Variants in FNBP1 observed in about 807,000 individuals in gnomAD.
The protein encoded by FNBP1 is formin binding protein 1, also known as formin-binding protein 1.
FNBP1 carries 26 observed loss-of-function variants against 90.6 expected under a neutral mutation model. That is an observed-to-expected ratio of 0.29 (90% CI 0.21 to 0.40). The LOEUF (loss-of-function observed/expected upper bound fraction) is 0.40. Ranked by LOEUF, FNBP1 falls within the 10% of genes least tolerant of loss-of-function variation. The pLI, the probability that FNBP1 is intolerant of heterozygous loss-of-function variation, is 1.00. For missense variants in FNBP1, 635 were observed against 768.0 expected, an observed-to-expected ratio of 0.83 and a Z score of 2.05; for synonymous variants, 260 against 265.2, an observed-to-expected ratio of 0.98 and a Z score of 0.19.
intron 11 of FNBP1, among the ~76,000 whole-genome samples, chr9:129,911,384 G>T (rs200010822): frequency 6.6e-6 from 1 of 152,176 alleles, no homozygotes; most frequent in Non-Finnish European, 1.5e-5. Context: ...GACAGGCCCT[G>T]CTGGGTGTCA....
intron 6 of FNBP1, chr9:129,936,659 C>T (rs2132217997): frequency 6.6e-6 from 1 of 152,144 alleles, no homozygotes; most frequent in East Asian, 1.9e-4. Context: ...AGTTTCTGCA[C>T]ATTCCAGCTC....
At chr9:129,898,576 C>T (rs1250442358) in intron 15 of FNBP1, among the ~76,000 whole-genome samples, 4 of 152,032 alleles carry the variant, frequency 2.6e-5, no homozygotes, top group Non-Finnish European at 4.4e-5. Context: ...CTGCCACCTC[C>T]GACTCCTGGT....
In FNBP1 at chr9:129,900,137, G is replaced by A. The variant is rs756257072; in HGVS notation, c.1551-36C>T. The A allele has an allele frequency of 5.8e-6, 9 of 1,561,854 alleles. No homozygotes were observed. Among genetic ancestry groups the A allele is most frequent in the African/African-American group, 5.5e-5 (4 of 72,984 alleles). On this transcript the variant is annotated intron_variant, in intron 14 of 16. Coordinates refer to ENST00000446176, the MANE Select transcript of FNBP1 (RefSeq NM_015033.3). The surrounding 1 kb of genome is among the most constrained non-coding windows in gnomAD (Gnocchi z 4.1). ...AAGGAAAACACAAAGCAACTAAAGCGACTGACCCCAGGGAGGACTCAGATT... is the reference window on the plus strand; with the variant it reads ...AAGGAAAACACAAAGCAACTAAAGCAACTGACCCCAGGGAGGACTCAGATT...
At chr9:130,010,231 C>T (rs1307587675) in intron 1 of FNBP1, among the ~76,000 whole-genome samples, 1 of 152,154 alleles carries the variant, frequency 6.6e-6, no homozygotes, top group African/African-American at 2.4e-5. Context: ...AGCATCTTGG[C>T]TGACAATCTA....
chr9:129,923,948 C>G lies in FNBP1; in HGVS notation c.1066G>C (p.Gly356Arg). ...ASASPSAVPN[G>R]PQSPKQQKEP... Reference sequence around the variant, plus strand: ...TTTTGCTGCTTGGGAGACTGGGGGCCGTTGGGAACAGCAGAGGGTGAGGCA... The same window carrying G: ...TTTTGCTGCTTGGGAGACTGGGGGCGGTTGGGAACAGCAGAGGGTGAGGCA... The change falls in exon 10 of 17, where the codon GGC becomes CGC. Residue 356 changes from glycine to arginine, a missense_variant. Coordinates refer to ENST00000446176, the MANE Select transcript of FNBP1 (RefSeq NM_015033.3). 1.3e-6 allele frequency: 2 copies of G among 1,502,754 alleles called. No individual in the cohort carries two copies. Among genetic ancestry groups the G allele is most frequent in the Non-Finnish European group, 8.8e-7 (1 of 1,132,830 alleles). 93.1% of individuals were successfully genotyped at this position (1,502,754 alleles called of 1,614,324 possible).
chr9:129,900,437 C>T lies in FNBP1; in HGVS notation c.1539G>A (p.Gln513=). Residue 513 remains glutamine, a synonymous_variant, in exon 14 of 17, where the codon CAG becomes CAA. Transcript: ENST00000446176. The surrounding 1 kb of genome is among the most constrained non-coding windows in gnomAD (Gnocchi z 4.1). ...TGCAGATACTGTACCTCTCACGGTC[C>T]TGGGCGCAGTTGTTGACTGTGGGTG... is the stretch of plus-strand genomic sequence containing the variant. The part of the protein sequence containing the change: ...QNPPTVNNCA[Q]DRESPDGSYT... 2 of 1,597,186 alleles carry T rather than the reference C, an allele frequency of 1.3e-6. No individual in the cohort carries two copies. Among genetic ancestry groups the T allele is most frequent in the Non-Finnish European group, 1.7e-6 (2 of 1,172,790 alleles).
intron 12 of FNBP1, among the ~76,000 whole-genome samples, chr9:129,906,579 C>T (rs913678960): frequency 3.9e-5 from 6 of 152,174 alleles, no homozygotes; most frequent in Admixed American, 2.0e-4. Flanking sequence ...CTTTGCCTTC[C>T]GCCATGATTG....
At position 130,011,961 on chromosome 9, in the gene FNBP1, GAAC is replaced by G. The variant is rs140925973; in HGVS notation, c.25-17006_25-17004del. 9.7e-3 allele frequency among the ~76,000 whole-genome samples: 1,482 copies of G among 152,188 alleles called. 35 individuals are homozygous for G. The highest frequency in any genetic ancestry group is 0.034 in the African/African-American group (1,413 of 41,508). On this transcript the variant is annotated intron_variant, in intron 1 of 16. Coordinates refer to ENST00000446176, the MANE Select transcript of FNBP1 (RefSeq NM_015033.3). ...AATTAATAGCCAAAACACTCTTGAAGAACAACAAGGTAGGAATAGTAGCCACAC... is the reference window on the plus strand; with the variant it reads ...AATTAATAGCCAAAACACTCTTGAAGAACAAGGTAGGAATAGTAGCCACAC...
chr9:129,986,475 T>G (rs373342863), intron 2 of FNBP1, among the ~76,000 whole-genome samples: 2 of 151,904 alleles, frequency 1.3e-5, no homozygotes, highest in Admixed American at 6.6e-5. Context: ...AACCATAATG[T>G]GAAAACAATC....
chr9:129,952,179 G>A (rs1411760083), intron 6 of FNBP1, among the ~76,000 whole-genome samples: 1 of 151,742 alleles, frequency 6.6e-6, no homozygotes, highest in African/African-American at 2.4e-5. Context: ...GCAACAGAGC[G>A]AGACTCTATT....
Position 129,890,661 on chromosome 9 carries a change from G to A in FNBP1, c.1847-115C>T, listed in dbSNP as rs1396035131. On this transcript the variant is annotated intron_variant, in intron 16 of 16. Transcript: ENST00000446176. This position sits in a 1 kb window ranked among gnomAD's most constrained non-coding sequence, Gnocchi z 5.8. Reference sequence around the variant, plus strand: ...TGCACCGCCCTGGGAGGGGAGGGTAGTGGGAGGGGAGGGATGGGAGGGGGC... The same window carrying A: ...TGCACCGCCCTGGGAGGGGAGGGTAATGGGAGGGGAGGGATGGGAGGGGGC... The A allele has an allele frequency of 2.9e-5, 21 of 712,818 alleles. No individual in the cohort carries two copies. The East Asian group carries it at 5.6e-4, about 19-fold the overall frequency. 44.2% of individuals were successfully genotyped at this position (712,818 alleles called of 1,614,324 possible). A position where few individuals can be genotyped will look rare whatever the true frequency, so the allele number is the denominator to read the frequency against.
At chr9:129,904,567 A>C (rs141252033) in intron 12 of FNBP1, among the ~76,000 whole-genome samples, 20 of 152,316 alleles carry the variant, frequency 1.3e-4, no homozygotes, top group Non-Finnish European at 2.8e-4. Context: ...AGTCATGAGA[A>C]ATAGTTTAAC....
At chr9:129,983,849 C>T (rs1390936331) in intron 2 of FNBP1, among the ~76,000 whole-genome samples, 1 of 151,974 alleles carries the variant, frequency 6.6e-6, no homozygotes, top group Non-Finnish European at 1.5e-5. Flanking sequence ...ACAACAACAA[C>T]AACAAAAATG....
intron 6 of FNBP1, among the ~76,000 whole-genome samples, chr9:129,939,072 GATT>G (rs1441676633): frequency 2.6e-5 from 4 of 151,858 alleles, no homozygotes; most frequent in Non-Finnish European, 5.9e-5. Flanking sequence ...CTACCTCCCA[GATT>G]CAAGCGATTC....
chr9:129,996,942 G>A (rs989741212), intron 1 of FNBP1, among the ~76,000 whole-genome samples: 16 of 151,888 alleles, frequency 1.1e-4, no homozygotes, highest in East Asian at 2.0e-4. Context: ...TGATCCTCCC[G>A]CCTTGGCATC....
At chr9:129,916,463 C>A (rs2040268325) in intron 10 of FNBP1, among the ~76,000 whole-genome samples, 1 of 151,864 alleles carries the variant, frequency 6.6e-6, no homozygotes, top group Non-Finnish European at 1.5e-5. Context: ...ACTAAAAATA[C>A]AGTATTAGCC....
Position 129,923,882 on chromosome 9 carries a change from T to G in FNBP1, c.1132A>C (p.Lys378Gln), listed in dbSNP as rs1171375880. Residue 378 changes from lysine to glutamine, a missense_variant, in exon 10 of 17, where the codon AAA becomes CAA. Coordinates refer to ENST00000446176, the MANE Select transcript of FNBP1 (RefSeq NM_015033.3). Reference sequence around the variant, plus strand: ...CTCCTGAAGCAGTGGATTTTGGGTTTGGAGGTCATGAACTCGTTGAAGCGA... The same window carrying G: ...CTCCTGAAGCAGTGGATTTTGGGTTGGGAGGTCATGAACTCGTTGAAGCGA... ...SHRFNEFMTS[K>Q]PKIHCFRSLK... 22 of 1,603,254 alleles carry G rather than the reference T, an allele frequency of 1.4e-5. No homozygotes were observed. Among genetic ancestry groups the G allele is most frequent in the Non-Finnish European group, 1.8e-5 (21 of 1,175,982 alleles).
rs2059894035 is a variant in FNBP1 at position 130,042,265 on chromosome 9, C to A, written c.24+687G>T. Among the ~76,000 whole-genome samples, 1 of 152,190 alleles carries A rather than the reference C, an allele frequency of 6.6e-6. No individual in the cohort carries two copies. ...TCATTGACCCCGCGAACGCCTCTTC[C>A]TGAGGTAGATCACGTAAGATCTCTC... is the stretch of plus-strand genomic sequence containing the variant. On this transcript the variant is annotated intron_variant, in intron 1 of 16. Coordinates refer to ENST00000446176, the MANE Select transcript of FNBP1 (RefSeq NM_015033.3). This position sits in a 1 kb window ranked among gnomAD's most constrained non-coding sequence, Gnocchi z 5.5.
At chr9:130,039,247 C>T (rs1276722600) in intron 1 of FNBP1, among the ~76,000 whole-genome samples, 1 of 152,204 alleles carries the variant, frequency 6.6e-6, no homozygotes, top group African/African-American at 2.4e-5. Flanking sequence ...TAACTTACAA[C>T]AGATTCAGAC....
Sources: allele counts gnomAD v4.1 joint callset (sites outside exome capture counted in the v4.1 genomes callset), GRCh38; gene constraint gnomAD v4.1.1; non-coding constraint Gnocchi (gnomAD v3.1); transcripts MANE v1.5; gene names NCBI Gene and HGNC (gene_info 2026-07-23, HGNC 2026-07-21).